The following SLC25A21 variants were observed in gnomAD, a reference collection of about 807,000 sequenced individuals.
SLC25A21 encodes the protein mitochondrial 2-oxodicarboxylate carrier.
In SLC25A21, 47 loss-of-function variants were observed where a neutral mutation model predicts 43.8. The ratio of observed to expected loss-of-function variants is 1.07; its 90% CI spans 0.85 to 1.37. SLC25A21 has a LOEUF of 1.37. Ranked by LOEUF, SLC25A21 falls within the 40% of genes most tolerant of loss-of-function variation. The pLI is 0.00. For missense variants in SLC25A21, 352 were observed against 350.2 expected, an observed-to-expected ratio of 1.00 and a Z score of -0.04; for synonymous variants, 131 against 121.3, an observed-to-expected ratio of 1.08 and a Z score of -0.52.
intron 1 of SLC25A21, among the ~76,000 whole-genome samples, chr14:37,030,444 C>T (rs563596888): frequency 6.6e-6 from 1 of 152,310 alleles, no homozygotes; most frequent in East Asian, 1.9e-4. Flanking sequence ...CCTGGGGTAT[C>T]ACCCCTTGAA....
chr14:37,133,510 A>G (rs886713133), intron 1 of SLC25A21, among the ~76,000 whole-genome samples: 1 of 151,866 alleles, frequency 6.6e-6, no homozygotes, highest in Admixed American at 6.6e-5. Flanking sequence ...CCTCCTCTAA[A>G]TAACTGCAAC....
intron 1 of SLC25A21, among the ~76,000 whole-genome samples, chr14:37,032,614 T>C (rs188637798): frequency 9.6e-4 from 130 of 135,296 alleles, no homozygotes; most frequent in African/African-American, 3.8e-3. Flanking sequence ...GAGGTTGCAG[T>C]GAGCCAAGAT....
chr14:36,706,056 A>G (rs1883546890), intron 7 of SLC25A21, among the ~76,000 whole-genome samples: 1 of 152,244 alleles, frequency 6.6e-6, no homozygotes, highest in South Asian at 2.1e-4. Context: ...GTTTTGAATC[A>G]GGCTTAGATT....
chr14:36,935,520 A>G (rs1312128876), intron 1 of SLC25A21, among the ~76,000 whole-genome samples: 1 of 152,156 alleles, frequency 6.6e-6, no homozygotes, highest in Non-Finnish European at 1.5e-5. Context: ...GAAGCCACCT[A>G]ATGTCTATAC....
chr14:36,744,135 T>C (rs1178483637), intron 3 of SLC25A21, among the ~76,000 whole-genome samples: 4 of 152,154 alleles, frequency 2.6e-5, no homozygotes, highest in African/African-American at 9.6e-5. Context: ...ACAGATTCAA[T>C]GCAATTTCTA....
intron 1 of SLC25A21, among the ~76,000 whole-genome samples, chr14:36,960,326 A>C (rs1282723959): frequency 3.3e-5 from 5 of 152,168 alleles, no homozygotes; most frequent in Non-Finnish European, 1.5e-5. Context: ...AACAATGGCG[A>C]ATATCTCAGG....
chr14:37,054,304 C>A (rs1961772822), intron 1 of SLC25A21, among the ~76,000 whole-genome samples: 1 of 152,178 alleles, frequency 6.6e-6, no homozygotes, highest in South Asian at 2.1e-4. Context: ...AACTGAATAT[C>A]ACCAAGTGAC....
intron 3 of SLC25A21, among the ~76,000 whole-genome samples, chr14:36,738,259 T>C (rs1487246457): frequency 6.6e-6 from 1 of 152,242 alleles, no homozygotes. Context: ...ACGCAAAATA[T>C]TATATGCAGC....
At chr14:36,939,437 G>A (rs1892503741) in intron 1 of SLC25A21, among the ~76,000 whole-genome samples, 1 of 151,814 alleles carries the variant, frequency 6.6e-6, no homozygotes, top group African/African-American at 2.4e-5. Flanking sequence ...TTTGTTAAAT[G>A]GCCATGTCAA....
intron 3 of SLC25A21, among the ~76,000 whole-genome samples, chr14:36,796,309 C>A (rs563287369): frequency 6.6e-6 from 1 of 152,116 alleles, no homozygotes; most frequent in African/African-American, 2.4e-5. Context: ...AGGAATAGAT[C>A]ACATTTTCCA....
At chr14:36,934,184 A>G (rs1737821401) in intron 1 of SLC25A21, among the ~76,000 whole-genome samples, 1 of 152,186 alleles carries the variant, frequency 6.6e-6, no homozygotes, top group Non-Finnish European at 1.5e-5. Context: ...TAGAAATTAC[A>G]TTATTATTAA....
At chr14:36,758,261 T>C (rs1435693112) in intron 3 of SLC25A21, among the ~76,000 whole-genome samples, 1 of 152,060 alleles carries the variant, frequency 6.6e-6, no homozygotes, top group East Asian at 1.9e-4. Context: ...CTCTACATGA[T>C]CTCCTGCATG....
At chr14:36,869,437 C>T (rs1890305174) in intron 2 of SLC25A21, among the ~76,000 whole-genome samples, 1 of 152,152 alleles carries the variant, frequency 6.6e-6, no homozygotes, top group Non-Finnish European at 1.5e-5. Context: ...ATGGTCACTG[C>T]CCTAACAGGG....
rs111911429 is a variant in SLC25A21 at position 37,157,672 on chromosome 14, C to T, written c.70+14609G>A. On this transcript the variant is annotated intron_variant, in intron 1 of 9. Coordinates refer to ENST00000331299, the MANE Select transcript of SLC25A21 (RefSeq NM_030631.4). ...TACAAGTTGACAATTTAACAATGCA[C>T]CTCAAGGAACTAGAAAAGCAAGAAC... is the stretch of plus-strand genomic sequence containing the variant. Among the ~76,000 whole-genome samples, 419 of 152,080 alleles carry T rather than the reference C, an allele frequency of 2.8e-3. 2 individuals carry two copies. The highest frequency in any genetic ancestry group is 8.5e-3 in the African/African-American group (354 of 41,510).
At chr14:36,812,874 T>C (rs1888321417) in intron 3 of SLC25A21, among the ~76,000 whole-genome samples, 1 of 152,154 alleles carries the variant, frequency 6.6e-6, no homozygotes, top group Non-Finnish European at 1.5e-5. Flanking sequence ...CTTCTTTATC[T>C]GTCCAACTGG....
chr14:37,119,626 C>T (rs1021859098), intron 1 of SLC25A21, among the ~76,000 whole-genome samples: 1 of 152,150 alleles, frequency 6.6e-6, no homozygotes, highest in African/African-American at 2.4e-5. Flanking sequence ...CACGCCGCTG[C>T]TCTGCCTATG....
At chr14:37,150,051 A>G (rs930111037) in intron 1 of SLC25A21, among the ~76,000 whole-genome samples, 2 of 152,176 alleles carry the variant, frequency 1.3e-5, no homozygotes, top group African/African-American at 4.8e-5. Flanking sequence ...CTTACATTCA[A>G]GAAAAATTAT....
chr14:36,977,357 G>GC (rs1566786089), intron 1 of SLC25A21, among the ~76,000 whole-genome samples: 2 of 152,198 alleles, frequency 1.3e-5, no homozygotes, highest in Admixed American at 6.5e-5. Context: ...TGCTTAGAAG[G>GC]CCCCCCTGTA....
At chr14:37,125,170 C>A (rs1963276157) in intron 1 of SLC25A21, among the ~76,000 whole-genome samples, 1 of 152,170 alleles carries the variant, frequency 6.6e-6, no homozygotes, top group Non-Finnish European at 1.5e-5. Flanking sequence ...TAAATTACAA[C>A]TCAGAGTGTC....
Sources: gnomAD v4.1 joint callset for allele counts (sites outside exome capture counted in the v4.1 genomes callset) on GRCh38, gnomAD v4.1.1 for gene constraint, MANE v1.5 for transcripts, NCBI Gene and HGNC (gene_info 2026-07-23, HGNC 2026-07-21) for gene names.